GBP7: variants seen among roughly 807,000 people sequenced by gnomAD.
GBP7 encodes guanylate-binding protein 7.
A neutral mutation model predicts 61.3 loss-of-function variants in GBP7; 43 were observed. That is an observed-to-expected ratio of 0.70 (90% confidence interval 0.55 to 0.91). GBP7 has a LOEUF of 0.91. Among genes scored for constraint, GBP7 ranks in the 40% least tolerant of loss-of-function variants. GBP7 has a pLI of 0.00. For synonymous variants in GBP7, 267 were observed against 271.0 expected (o/e 0.99, Z 0.14); for missense variants, 717 against 740.5 (o/e 0.97, Z 0.37).
intron 3 of GBP7, among the ~76,000 whole-genome samples, chr1:89,163,707 G>C (rs1428193546): frequency 6.6e-6 from 1 of 151,850 alleles, no homozygotes; most frequent in African/African-American, 2.4e-5. Context: ...TCTAGAATTA[G>C]CCAATTTGCA....
At chr1:89,167,998 T>C (rs1478647631) in intron 2 of GBP7, among the ~76,000 whole-genome samples, 5 of 152,214 alleles carry the variant, frequency 3.3e-5, no homozygotes, top group Non-Finnish European at 7.3e-5. Context: ...CACTTCTCAA[T>C]TGATGGGGAA....
At chr1:89,136,408 C>T (rs1029160345) in intron 9 of GBP7, among the ~76,000 whole-genome samples, 3 of 151,946 alleles carry the variant, frequency 2.0e-5, no homozygotes, top group African/African-American at 7.3e-5. Flanking sequence ...ACTCCTTGCT[C>T]TGCCATAAAG....
At chr1:89,152,629 A>T in intron 4 of GBP7, 39 bp downstream of exon 4, 2 of 1,587,228 alleles carry the variant, frequency 1.3e-6, no homozygotes, top group African/African-American at 2.7e-5. Flanking sequence ...ATTCCCCTAA[A>T]CTCCATAAAA....
Position 89,132,263 on chromosome 1 carries a change from G to A in GBP7, c.1803C>T (p.Gly601=). The change falls in exon 11 of 11, where the codon GGC becomes GGT. Residue 601 remains glycine, a synonymous_variant. Transcript: ENST00000294671. ...SVFSQILDVA[G]SIFIAALPGA... is the part of the protein sequence containing the mutation. ...CAGGTAGTGCTGCAATAAATATACT[G>A]CCAGCCACATCAAGAATCTGTGAAA... The A allele has an allele frequency of 3.1e-6, 5 of 1,613,910 alleles. No individual in the cohort carries two copies. Among genetic ancestry groups the A allele is most frequent in the East Asian group, 4.5e-5 (2 of 44,872 alleles).
intron 3 of GBP7, among the ~76,000 whole-genome samples, chr1:89,160,217 G>A (rs1361865317): frequency 6.6e-6 from 1 of 152,172 alleles, no homozygotes; most frequent in Non-Finnish European, 1.5e-5. Flanking sequence ...GCTGTGGGGT[G>A]GAGGGAGTGT....
chr1:89,137,192 C>G (rs536183937), intron 9 of GBP7, among the ~76,000 whole-genome samples: 1 of 152,072 alleles, frequency 6.6e-6, no homozygotes, highest in East Asian at 1.9e-4. Flanking sequence ...AAGCCCTAGA[C>G]CAGACAGAGT....
In GBP7 at chr1:89,152,317, G is replaced by T. The variant is rs1311131753; in HGVS notation, c.576C>A (p.His192Gln). The T allele has an allele frequency of 1.2e-6, 2 of 1,613,980 alleles. No individual in the cohort carries two copies. The highest frequency in any genetic ancestry group is 1.7e-6 in the Non-Finnish European group (2 of 1,180,018). The change falls in exon 5 of 11, where the codon CAC becomes CAA. Residue 192 changes from histidine to glutamine, a missense_variant. His to Gln is a conservative substitution (Grantham distance 24, BLOSUM62 0). This residue lies in a region of GBP7 where 387 missense variants were observed against 385.2 expected (regional missense o/e 1.00). Coordinates refer to ENST00000294671, the MANE Select transcript of GBP7 (RefSeq NM_207398.3). ...DFTLELKLDG[H>Q]PITEDEYLEN... ...CCAGGTACTCATCTTCTGTGATGGG[G>T]TGTCCATCTAACTTCAGCTCCAGGG...
intron 6 of GBP7, among the ~76,000 whole-genome samples, chr1:89,150,070 G>A (rs1036819763): frequency 6.6e-6 from 1 of 152,292 alleles, no homozygotes. Flanking sequence ...AGCCAGCTTT[G>A]TTTATAAGAT....
rs1267235262 is a variant in GBP7 at position 89,149,278 on chromosome 1, AT to A, written c.1152+13del. ...AAGGCAGGAATCAAGAAAAAAAAAA[AT>A]AACAAAGATTACCACAAGCTTCTTC... is the stretch of plus-strand genomic sequence containing the variant. On this transcript the variant is annotated intron_variant, in intron 7 of 10. Coordinates refer to ENST00000294671, the MANE Select transcript of GBP7 (RefSeq NM_207398.3). The A allele has an allele frequency of 1.9e-6, 3 of 1,576,246 alleles. No individual in the cohort carries two copies. Among genetic ancestry groups the A allele is most frequent in the Middle Eastern group, 3.8e-4 (2 of 5,310 alleles).
At chr1:89,160,111 T>A (rs605727) in intron 3 of GBP7, among the ~76,000 whole-genome samples, 112,112 of 151,972 alleles carry the variant, frequency 0.74, 41,649 homozygotes, top group African/African-American at 0.81. Context: ...TATCACAAGG[T>A]CAGAAAAGCA....
At chr1:89,150,598 AC>A in intron 5 of GBP7, 23 bp from the exon 6 acceptor site, 1 of 1,611,298 alleles carries the variant, frequency 6.2e-7, no homozygotes, top group Non-Finnish European at 8.5e-7. Context: ...TGAAAAAGTG[AC>A]TACTGAAGAA....
chr1:89,142,105 T>C (rs1681968116), intron 8 of GBP7, among the ~76,000 whole-genome samples: 2 of 152,222 alleles, frequency 1.3e-5, no homozygotes, highest in Admixed American at 1.3e-4. Context: ...TATTTACTTT[T>C]GATCACTGTT....
chr1:89,151,743 AT>A (rs200269847), intron 5 of GBP7, among the ~76,000 whole-genome samples: 54 of 150,148 alleles, frequency 3.6e-4, no homozygotes, highest in East Asian at 2.1e-3. Flanking sequence ...ATGTCTGTGT[AT>A]TTTTTTTTTA....
chr1:89,138,626 T>C (rs1035025065), intron 9 of GBP7, among the ~76,000 whole-genome samples: 2 of 152,160 alleles, frequency 1.3e-5, no homozygotes, highest in Non-Finnish European at 2.9e-5. Flanking sequence ...TGGCTAGCTA[T>C]ATGCAGAAGA....
At chr1:89,161,681 C>T (rs542477447) in intron 3 of GBP7, among the ~76,000 whole-genome samples, 6 of 152,236 alleles carry the variant, frequency 3.9e-5, no homozygotes, top group African/African-American at 1.2e-4. Context: ...AGTCCTTTGT[C>T]AGCTGCAGAG....
chr1:89,149,245 A>G, intron 7 of GBP7, 47 bp downstream of exon 7: 1 of 1,515,914 alleles, frequency 6.6e-7, no homozygotes, highest in South Asian at 1.3e-5. Context: ...TATAAGTATC[A>G]TTCCAGAAAG....
intron 7 of GBP7, among the ~76,000 whole-genome samples, chr1:89,148,873 T>C (rs1682127763): frequency 6.6e-6 from 1 of 152,214 alleles, no homozygotes; most frequent in South Asian, 2.1e-4. Context: ...AATGCTTACA[T>C]CAGGTTATTT....
chr1:89,146,043 A>G (rs1682055122), intron 8 of GBP7, among the ~76,000 whole-genome samples: 1 of 152,206 alleles, frequency 6.6e-6, no homozygotes, highest in African/African-American at 2.4e-5. Flanking sequence ...AAGGCATCAT[A>G]CTATCTGACT....
chr1:89,154,915 C>T (rs947626957), intron 3 of GBP7, among the ~76,000 whole-genome samples: 9 of 152,106 alleles, frequency 5.9e-5, no homozygotes, highest in East Asian at 1.9e-4. Flanking sequence ...AGTGGGTCCC[C>T]GACCCCCGAG....
Sources: allele counts gnomAD v4.1 joint callset (sites outside exome capture counted in the v4.1 genomes callset), GRCh38; gene constraint gnomAD v4.1.1; regional missense constraint gnomAD v4.1.1; transcripts MANE v1.5; gene names NCBI Gene and HGNC (gene_info 2026-07-23, HGNC 2026-07-21).